The following STRN3 variants were observed in gnomAD, a reference collection of about 807,000 sequenced individuals.
The protein encoded by STRN3 is striatin-3.
A neutral mutation model predicts 95.6 loss-of-function variants in STRN3; 29 were observed. That is an observed-to-expected ratio of 0.30 (90% CI 0.23 to 0.41). The LOEUF is 0.41. Ranked by LOEUF, STRN3 falls within the 10% of genes least tolerant of loss-of-function variation. The pLI, the probability that STRN3 is intolerant of heterozygous loss-of-function variation, is 1.00. For synonymous variants in STRN3, 331 were observed against 357.6 expected (o/e 0.93, Z 0.84); for missense variants, 890 against 972.1 (o/e 0.92, Z 1.12).
At chr14:30,985,732 TTA>T (rs1390845754) in intron 1 of STRN3, among the ~76,000 whole-genome samples, 1 of 152,230 alleles carries the variant, frequency 6.6e-6, no homozygotes, top group Non-Finnish European at 1.5e-5. Flanking sequence ...CATGTTTGAC[TTA>T]TGTTTATAGT....
At chr14:30,908,424 G>C (rs554722598) in intron 13 of STRN3, among the ~76,000 whole-genome samples, 7 of 152,222 alleles carry the variant, frequency 4.6e-5, no homozygotes, top group African/African-American at 1.7e-4. Context: ...AAAACATTTT[G>C]TTGTTGTTCC....
intron 10 of STRN3, 154 bp from the exon 11 acceptor site, chr14:30,912,336 T>TA: frequency 1.7e-6 from 1 of 588,236 alleles, no homozygotes. Context: ...TAAAACTTTC[T>TA]AAAAAAACTT....
intron 1 of STRN3, among the ~76,000 whole-genome samples, chr14:31,012,106 C>A (rs1311904348): frequency 6.6e-6 from 1 of 152,178 alleles, no homozygotes; most frequent in Non-Finnish European, 1.5e-5. Context: ...AAAAAAGCAA[C>A]ACAACAAATA....
rs1896109557 is a variant in STRN3 at position 30,895,201 on chromosome 14, C to T, written c.*210G>A. 1 of 560,172 alleles carries T rather than the reference C, an allele frequency of 1.8e-6. No individual in the cohort carries two copies. The highest frequency in any genetic ancestry group is 1.9e-5 in the African/African-American group (1 of 53,498). The allele number at this position is 560,172 out of a possible 1,614,324, so 34.7% of individuals were successfully genotyped here. ...CAGTACAGGCCACAAATACTGGAGT[C>T]CTTTTTTCTTTGTCCCACAAAATAC... On this transcript the variant is annotated 3_prime_UTR_variant, in exon 18 of 18. Transcript: ENST00000357479.
intron 1 of STRN3, among the ~76,000 whole-genome samples, chr14:30,968,179 A>G (rs538193256): frequency 4.9e-4 from 74 of 152,288 alleles, no homozygotes; most frequent in Admixed American, 1.1e-3. Flanking sequence ...AAAGTTTGCT[A>G]AAAGTTAACA....
At position 30,897,344 on chromosome 14, in the gene STRN3, G is replaced by A. The variant is rs184272783; in HGVS notation, c.2138-1596C>T. On this transcript the variant is annotated intron_variant, in intron 16 of 17. Transcript: ENST00000357479. ...TCATGCCTGTAATCCCAGCACTTTG[G>A]GAGGCTGAAGCGGGCAGATCACCTG... Among the ~76,000 whole-genome samples the A allele has an allele frequency of 7.9e-5, 12 of 152,298 alleles. No homozygotes were observed. The East Asian group carries it at 2.3e-3, about 29-fold the overall frequency.
At chr14:30,947,015 C>A (rs1594477905) in intron 5 of STRN3, 75 bp downstream of exon 5, 88 of 918,758 alleles carry the variant, frequency 9.6e-5, no homozygotes, top group Middle Eastern at 3.7e-4. Flanking sequence ...ATGGCAGTAA[C>A]AAGGAGCTAA....
intron 1 of STRN3, among the ~76,000 whole-genome samples, chr14:31,017,203 T>A (rs190156425): frequency 6.7e-6 from 1 of 149,712 alleles, no homozygotes; most frequent in Non-Finnish European, 1.5e-5. Flanking sequence ...GCATTTAGAT[T>A]ATATAAGTAA....
At chr14:30,973,909 C>A (rs1295880990) in intron 1 of STRN3, among the ~76,000 whole-genome samples, 2 of 152,118 alleles carry the variant, frequency 1.3e-5, no homozygotes, top group Admixed American at 1.3e-4. Context: ...GGACAGAATT[C>A]AACACCCTTT....
chr14:30,983,062 C>CTTCT (rs1368009020), intron 1 of STRN3, among the ~76,000 whole-genome samples: 3 of 152,052 alleles, frequency 2.0e-5, no homozygotes, highest in Admixed American at 2.0e-4. Context: ...TCTTACTATC[C>CTTCT]AGAACACTGT....
chr14:31,017,087 A>C (rs179727), intron 1 of STRN3, among the ~76,000 whole-genome samples: 3 of 151,996 alleles, frequency 2.0e-5, no homozygotes, highest in African/African-American at 7.3e-5. Context: ...CCCAGAGATC[A>C]AGGCTGCAGT....
intron 5 of STRN3, among the ~76,000 whole-genome samples, chr14:30,944,563 A>G (rs1566449746): frequency 1.4e-5 from 1 of 72,602 alleles, no homozygotes; most frequent in Non-Finnish European, 3.2e-5. Flanking sequence ...GTATATATAT[A>G]TATATATACA....
intron 1 of STRN3, among the ~76,000 whole-genome samples, chr14:30,971,795 A>G (rs1474580294): frequency 6.6e-6 from 1 of 152,204 alleles, no homozygotes; most frequent in Non-Finnish European, 1.5e-5. Flanking sequence ...GTAAATGGAA[A>G]GGAATAATAG....
chr14:30,981,763 A>C (rs1313078760), intron 1 of STRN3, among the ~76,000 whole-genome samples: 1 of 152,122 alleles, frequency 6.6e-6, no homozygotes, highest in Non-Finnish European at 1.5e-5. Flanking sequence ...GAGCTTATAA[A>C]ATTTTTCATG....
intron 1 of STRN3, among the ~76,000 whole-genome samples, chr14:30,961,946 A>G (rs72668370): frequency 0.36 from 54,551 of 151,622 alleles, 11,007 homozygotes; most frequent in Non-Finnish European, 0.45. Flanking sequence ...TATAAAAAGA[A>G]AAGTTAACTG....
At chr14:30,977,080 G>A (rs548610883) in intron 1 of STRN3, among the ~76,000 whole-genome samples, 4 of 151,732 alleles carry the variant, frequency 2.6e-5, no homozygotes, top group South Asian at 4.2e-4. Context: ...CAAAAAATTC[G>A]CTGGGTATGG....
intron 8 of STRN3, among the ~76,000 whole-genome samples, chr14:30,921,516 C>T (rs1594439288): frequency 6.6e-6 from 1 of 152,298 alleles, no homozygotes; most frequent in East Asian, 1.9e-4. Context: ...CTGCTCTAAT[C>T]CTAGTTTCTC....
chr14:30,954,640 C>A (rs1461508379), intron 3 of STRN3, among the ~76,000 whole-genome samples: 4 of 152,046 alleles, frequency 2.6e-5, no homozygotes, highest in African/African-American at 9.7e-5. Context: ...TTATTTTATT[C>A]CTCAACTTGA....
chr14:30,998,115 A>G (rs1291212070), intron 1 of STRN3, among the ~76,000 whole-genome samples: 2 of 152,206 alleles, frequency 1.3e-5, no homozygotes, highest in African/African-American at 4.8e-5. Flanking sequence ...GGGGCAGAAC[A>G]GCGTTGGAGC....
Sources: gnomAD v4.1 joint callset for allele counts (sites outside exome capture counted in the v4.1 genomes callset) on GRCh38, gnomAD v4.1.1 for gene constraint, MANE v1.5 for transcripts, NCBI Gene and HGNC (gene_info 2026-07-23, HGNC 2026-07-21) for gene names.